CEP350: variants seen among roughly 807,000 people sequenced by gnomAD.
CEP350 encodes centrosome-associated protein 350.
Under a neutral mutation model 331.8 loss-of-function variants are expected in CEP350, and 126 were observed. That is an observed-to-expected ratio of 0.38 (90% CI 0.33 to 0.44). The LOEUF (loss-of-function observed/expected upper bound fraction) is 0.44. CEP350 is among the 20% of genes least tolerant of loss of function. The pLI is 1.00. For synonymous variants in CEP350, 1,200 were observed against 1,259.5 expected (o/e 0.95, Z 1.00); for missense variants, 3,406 against 3,634.6 (o/e 0.94, Z 1.62).
rs574357402 is a variant in CEP350, at chr1:179,983,330, G to A, written c.-13-2839G>A. Reference sequence around the variant, plus strand: ...GCTCACTGTAACCTCTGCCTCCTGGGTTCAAGCAATTCTTCTGCCTCAGCC... The same window carrying A: ...GCTCACTGTAACCTCTGCCTCCTGGATTCAAGCAATTCTTCTGCCTCAGCC... On this transcript the variant is annotated intron_variant, in intron 1 of 37. Transcript: ENST00000367607. Among the ~76,000 whole-genome samples, 341 of 152,038 alleles carry A rather than the reference G, an allele frequency of 2.2e-3. 2 individuals carry two copies. The highest frequency in any genetic ancestry group is 8.0e-3 in the African/African-American group (330 of 41,446).
At chr1:180,032,871 C>T (rs1438106324) in intron 15 of CEP350, among the ~76,000 whole-genome samples, 4 of 151,884 alleles carry the variant, frequency 2.6e-5, no homozygotes, top group African/African-American at 9.7e-5. Context: ...TTAAAATGAT[C>T]ATTCTTTTTG....
At chr1:180,045,286 G>C (rs879662668) in intron 21 of CEP350, among the ~76,000 whole-genome samples, 2 of 152,084 alleles carry the variant, frequency 1.3e-5, no homozygotes, top group Non-Finnish European at 2.9e-5. Context: ...AGGTTGCAGC[G>C]AGCCAAGATC....
rs1401135522 is a variant in CEP350 at position 180,094,216 on chromosome 1, A to T, written c.8111A>T (p.Glu2704Val). 1.2e-6 allele frequency: 2 copies of T among 1,613,232 alleles called. No homozygotes were observed. Among genetic ancestry groups the T allele is most frequent in the African/African-American group, 2.7e-5 (2 of 74,912 alleles). ...LEKQQQFTEE[E>V]DNLYAEASEK... ...AAGCAACAGCAGTTTACAGAAGAGG[A>T]AGACAACCTATATGCTGAAGCTTCA... Residue 2704 changes from glutamate (E) to valine (V), a missense_variant, in exon 34 of 38, where the codon GAA becomes GTA. Physicochemically the swap from Glu to Val is moderately radical, Grantham distance 121. Around this residue, in one of 5 missense-constraint regions of CEP350, gnomAD observed 1,415 missense variants for 1,512.3 expected, o/e 0.94. Coordinates refer to ENST00000367607, the MANE Select transcript of CEP350 (RefSeq NM_014810.5).
At chr1:180,090,494 C>T (rs1213324652) in intron 32 of CEP350, among the ~76,000 whole-genome samples, 4 of 129,814 alleles carry the variant, frequency 3.1e-5, no homozygotes, top group East Asian at 5.0e-4. Context: ...TGCAGTGAGC[C>T]GAGATCGCGC....
chr1:179,977,982 A>G (rs1431572372), intron 1 of CEP350, among the ~76,000 whole-genome samples: 1 of 150,766 alleles, frequency 6.6e-6, no homozygotes, highest in Non-Finnish European at 1.5e-5. Flanking sequence ...AAATATGTAT[A>G]AAATATGTAT....
intron 36 of CEP350, among the ~76,000 whole-genome samples, chr1:180,098,189 C>T (rs1205394968): frequency 1.3e-5 from 2 of 152,114 alleles, no homozygotes; most frequent in East Asian, 1.9e-4. Flanking sequence ...AGGCTGGTCT[C>T]GAACTCCCGA....
chr1:180,095,758 T>A lies in CEP350; in HGVS notation c.8747T>A (p.Val2916Asp). The A allele has an allele frequency of 1.9e-6, 3 of 1,613,898 alleles. No homozygotes were observed. The highest frequency in any genetic ancestry group is 2.5e-6 in the Non-Finnish European group (3 of 1,179,864). ...TQQPCETLLAVPHTAEEVEIL... is the reference protein window; with the variant it reads ...TQQPCETLLADPHTAEEVEIL... ...CAACCATGTGAAACATTATTGGCAG[T>A]CCCCCATACTGCAGAAGAAGTAGAG... Residue 2916 changes from valine to aspartate, a missense_variant, in exon 35 of 38, where the codon GTC (valine) becomes GAC (aspartate). By Grantham distance (152) the Val-to-Asp change is radical (BLOSUM62 -3). This residue lies in a region of CEP350 where 1,415 missense variants were observed against 1,512.3 expected (regional missense o/e 0.94). Transcript: ENST00000367607.
At chr1:180,015,300 C>A (rs963481286) in intron 10 of CEP350, among the ~76,000 whole-genome samples, 1 of 152,042 alleles carries the variant, frequency 6.6e-6, no homozygotes, top group Non-Finnish European at 1.5e-5. Flanking sequence ...GTGGCGCGAT[C>A]TCGGCTCACT....
chr1:179,985,722 C>T (rs535212441), intron 1 of CEP350, among the ~76,000 whole-genome samples: 58 of 151,918 alleles, frequency 3.8e-4, no homozygotes, highest in African/African-American at 1.0e-3. Context: ...TTAGATCTCA[C>T]GAGACTCACT....
At chr1:180,019,236 T>C (rs1237819685) in intron 11 of CEP350, among the ~76,000 whole-genome samples, 2 of 152,200 alleles carry the variant, frequency 1.3e-5, no homozygotes, top group Admixed American at 1.3e-4. Flanking sequence ...AGGAAGTCTA[T>C]GGTCTGGAAA....
At chr1:180,090,406 C>G (rs1230318201) in intron 32 of CEP350, among the ~76,000 whole-genome samples, 1 of 150,886 alleles carries the variant, frequency 6.6e-6, no homozygotes, top group African/African-American at 2.4e-5. Flanking sequence ...ATTAGCCGGG[C>G]GTGGTGGCGG....
chr1:180,046,487 G>T (rs1348339512), intron 21 of CEP350, among the ~76,000 whole-genome samples: 1 of 152,086 alleles, frequency 6.6e-6, no homozygotes, highest in Admixed American at 6.5e-5. Flanking sequence ...TCATCAGTTG[G>T]TGGACATTTG....
rs563651764 is a variant in CEP350, at chr1:179,956,909, T to C, written c.-14+1767T>C. The stretch of plus-strand genomic sequence containing the variant: ...TTAAACTAAATATTAATATAGGTGC[T>C]CTGGCATTTGGTGTTATTTTAAAAT... On this transcript the variant is annotated intron_variant, in intron 1 of 37. Transcript: ENST00000367607. Among the ~76,000 whole-genome samples the C allele has an allele frequency of 9.9e-5, 15 of 152,274 alleles. No individual in the cohort carries two copies. The East Asian group carries it at 2.9e-3, about 29-fold the overall frequency.
At position 179,955,159 on chromosome 1, in the gene CEP350, C is replaced by G. The variant is rs963057058; in HGVS notation, c.-14+17C>G. The G allele has an allele frequency of 7.8e-5, 111 of 1,429,846 alleles. No homozygotes were observed. The highest frequency in any genetic ancestry group is 1.0e-4 in the Non-Finnish European group (110 of 1,086,884). The allele number at this position is 1,429,846 out of a possible 1,614,324, so 88.6% of individuals were successfully genotyped here. A position where few individuals can be genotyped will look rare whatever the true frequency, so the allele number is the denominator to read the frequency against. On this transcript the variant is annotated intron_variant, in intron 1 of 37. Coordinates refer to ENST00000367607, the MANE Select transcript of CEP350 (RefSeq NM_014810.5). ...CACTCTCAGGTGAGCTCCTGTAGGA[C>G]CTGGCTGGGACCGCGGAGTCTCGCT... is the stretch of plus-strand genomic sequence containing the variant.
chr1:179,988,268 G>T (rs951618704), intron 3 of CEP350, among the ~76,000 whole-genome samples: 1 of 150,184 alleles, frequency 6.7e-6, no homozygotes, highest in South Asian at 2.1e-4. Flanking sequence ...CTGCATTCTA[G>T]CCTGGGCGAC....
intron 14 of CEP350, among the ~76,000 whole-genome samples, chr1:180,025,906 A>G (rs911972013): frequency 1.3e-5 from 2 of 152,192 alleles, no homozygotes; most frequent in African/African-American, 4.8e-5. Flanking sequence ...CCCAGAACTT[A>G]AAGTAAAATA....
chr1:179,954,915 C>G lies in CEP350; in HGVS notation c.-241C>G. On this transcript the variant is annotated 5_prime_UTR_variant, in exon 1 of 38. Transcript: ENST00000367607. ...GAGAGAACTGCAGGGAGCCGCAGCT[C>G]GGGGGGTGGCTTGCCCTGAGGGAGG... 1.5e-6 allele frequency: 1 copy of G among 672,630 alleles called. No homozygotes were observed. The highest frequency in any genetic ancestry group is 2.2e-6 in the Non-Finnish European group (1 of 454,372). The allele number at this position is 672,630 out of a possible 1,614,324, so 41.7% of individuals were successfully genotyped here.
chr1:180,006,839 T>C (rs1654292634), intron 8 of CEP350, among the ~76,000 whole-genome samples: 1 of 152,176 alleles, frequency 6.6e-6, no homozygotes, highest in Admixed American at 6.5e-5. Context: ...CTCCCACTTA[T>C]GAGTGAGAAC....
intron 31 of CEP350, among the ~76,000 whole-genome samples, chr1:180,086,440 GC>G (rs1659862634): frequency 6.6e-6 from 1 of 151,996 alleles, no homozygotes; most frequent in Non-Finnish European, 1.5e-5. Flanking sequence ...TCTAGAGAGT[GC>G]CATACGATCC....
Sources: gnomAD v4.1 joint callset for allele counts (sites outside exome capture counted in the v4.1 genomes callset) on GRCh38, gnomAD v4.1.1 for gene constraint, gnomAD v4.1.1 regional missense constraint, MANE v1.5 for transcripts, NCBI Gene and HGNC (gene_info 2026-07-23, HGNC 2026-07-21) for gene names.